The following KLHL29 variants were observed in gnomAD, a reference collection of about 807,000 sequenced individuals.
KLHL29 encodes kelch-like protein 29.
KLHL29 carries 21 observed loss-of-function variants against 80.4 expected under a neutral mutation model. The observed-to-expected ratio is 0.26, with a 90% confidence interval of 0.19 to 0.38. KLHL29 has a LOEUF of 0.38. Ranked by LOEUF, KLHL29 falls within the 10% of genes least tolerant of loss-of-function variation. The pLI is 1.00. For synonymous variants in KLHL29, 511 were observed against 526.8 expected, an observed-to-expected ratio of 0.97 and a Z score of 0.41; for missense variants, 867 against 1,223.9, an observed-to-expected ratio of 0.71 and a Z score of 4.35.
rs190017591 is a variant in KLHL29 at position 23,691,884 on chromosome 2, C to A, written c.1282+8C>A. 6.5e-7 allele frequency: 1 copy of A among 1,547,300 alleles called. No homozygotes were observed. Among genetic ancestry groups the A allele is most frequent in the African/African-American group, 1.4e-5 (1 of 73,050 alleles). On this transcript the variant is annotated splice_region_variant and intron_variant, in intron 7 of 13. Transcript: ENST00000486442. ...TCTGCGTGTCCTTTCTCGGTGAGCC[C>A]GGGGGCCACATATGTCGCTTGGGGG... is the stretch of plus-strand genomic sequence containing the variant.
At chr2:23,611,452 C>T (rs566495254) in intron 3 of KLHL29, among the ~76,000 whole-genome samples, 3 of 152,306 alleles carry the variant, frequency 2.0e-5, no homozygotes, top group Admixed American at 6.5e-5. Context: ...TGCCTCTCTG[C>T]TTCAAATCCT....
intron 1 of KLHL29, among the ~76,000 whole-genome samples, chr2:23,436,582 C>G (rs769454098): frequency 6.7e-6 from 1 of 149,860 alleles, no homozygotes; most frequent in Non-Finnish European, 1.5e-5. Flanking sequence ...CGGCTCTTGT[C>G]GTTAGCAGTA....
chr2:23,463,386 T>C (rs922795835), intron 1 of KLHL29, among the ~76,000 whole-genome samples: 12 of 152,214 alleles, frequency 7.9e-5, no homozygotes, highest in Admixed American at 1.3e-4. Flanking sequence ...TTCTTACTGA[T>C]ACAGAATCTA....
At chr2:23,652,730 G>A (rs866965816) in intron 5 of KLHL29, among the ~76,000 whole-genome samples, 4 of 152,142 alleles carry the variant, frequency 2.6e-5, no homozygotes, top group African/African-American at 4.8e-5. Context: ...TAAAACACAC[G>A]TTTATACACG....
At chr2:23,643,432 C>G (rs1029619221) in intron 5 of KLHL29, 1 of 174,068 alleles carries the variant, frequency 5.7e-6, no homozygotes, top group African/African-American at 2.4e-5. Context: ...CTTTGTGAGA[C>G]CTTGGGAAAG....
intron 3 of KLHL29, among the ~76,000 whole-genome samples, chr2:23,618,417 A>G (rs765293965): frequency 2.6e-5 from 4 of 152,264 alleles, no homozygotes; most frequent in East Asian, 1.9e-4. Flanking sequence ...GCCCTCCCCA[A>G]TGTGGGAAGG....
intron 2 of KLHL29, among the ~76,000 whole-genome samples, chr2:23,561,174 G>T (rs1667436180): frequency 6.6e-6 from 1 of 152,180 alleles, no homozygotes; most frequent in East Asian, 1.9e-4. Flanking sequence ...TCTCCCCTCT[G>T]TCTCTGCCTC....
At chr2:23,429,052 C>T (rs1663088015) in intron 1 of KLHL29, among the ~76,000 whole-genome samples, 1 of 152,190 alleles carries the variant, frequency 6.6e-6, no homozygotes, top group Non-Finnish European at 1.5e-5. Context: ...GTGTGCACAG[C>T]GAGGGAGTTT....
At chr2:23,638,202 A>G (rs907020179) in intron 3 of KLHL29, among the ~76,000 whole-genome samples, 4 of 151,986 alleles carry the variant, frequency 2.6e-5, no homozygotes, top group East Asian at 1.9e-4. Context: ...CCTCCTACAC[A>G]TATTGTTTGA....
At chr2:23,409,818 G>A (rs994687685) in intron 1 of KLHL29, among the ~76,000 whole-genome samples, 1 of 152,216 alleles carries the variant, frequency 6.6e-6, no homozygotes, top group Non-Finnish European at 1.5e-5. Flanking sequence ...CACTATGAAG[G>A]AAGATGGTCA....
At chr2:23,670,496 A>G (rs1283760579) in intron 5 of KLHL29, among the ~76,000 whole-genome samples, 2 of 151,940 alleles carry the variant, frequency 1.3e-5, no homozygotes, top group Non-Finnish European at 2.9e-5. Context: ...CTGACTCCCA[A>G]CTGTTGCATG....
At chr2:23,658,612 G>T (rs1354461828) in intron 5 of KLHL29, among the ~76,000 whole-genome samples, 4 of 152,206 alleles carry the variant, frequency 2.6e-5, no homozygotes, top group Admixed American at 6.5e-5. Context: ...CCATCTCGTT[G>T]TCTGTCATGG....
intron 2 of KLHL29, among the ~76,000 whole-genome samples, chr2:23,528,759 G>A (rs946294022): frequency 6.6e-6 from 1 of 152,196 alleles, no homozygotes; most frequent in African/African-American, 2.4e-5. Flanking sequence ...TTGGACACAC[G>A]TATTTACTTT....
At chr2:23,618,266 T>C (rs1054608532) in intron 3 of KLHL29, among the ~76,000 whole-genome samples, 2 of 152,158 alleles carry the variant, frequency 1.3e-5, no homozygotes, top group African/African-American at 2.4e-5. Context: ...TAGTAGATGG[T>C]GGGACAGTGA....
intron 1 of KLHL29, among the ~76,000 whole-genome samples, chr2:23,450,831 C>T (rs1362760761): frequency 6.6e-6 from 1 of 152,180 alleles, no homozygotes; most frequent in African/African-American, 2.4e-5. Flanking sequence ...GCAACCATCC[C>T]TATGGCTTAT....
chr2:23,422,745 C>T (rs1662857335), intron 1 of KLHL29, among the ~76,000 whole-genome samples: 1 of 147,850 alleles, frequency 6.8e-6, no homozygotes, highest in Non-Finnish European at 1.5e-5. Flanking sequence ...CCGTGTGTGT[C>T]TGTGTGTCTG....
In KLHL29 at chr2:23,431,992, C is replaced by T. The variant is rs549217524; in HGVS notation, c.-153-43568C>T. The stretch of plus-strand genomic sequence containing the variant: ...ACCAAAAAGAAATGAATGAAAATAC[C>T]TCATAATACCACCCGCCCCAGGGAT... On this transcript the variant is annotated intron_variant, in intron 1 of 13. Coordinates refer to ENST00000486442, the MANE Select transcript of KLHL29 (RefSeq NM_052920.2). Among the ~76,000 whole-genome samples the T allele has an allele frequency of 1.4e-3, 213 of 151,682 alleles. 2 individuals are homozygous for T. Among genetic ancestry groups the T allele is most frequent in the South Asian group, 8.4e-4 (4 of 4,790 alleles).
chr2:23,474,900 C>T (rs1415322189), intron 1 of KLHL29, among the ~76,000 whole-genome samples: 2 of 151,846 alleles, frequency 1.3e-5, no homozygotes, highest in African/African-American at 2.4e-5. Context: ...TGCCATTTCC[C>T]GTTGTGAAGA....
In KLHL29 at chr2:23,700,066, T is replaced by G. The variant is rs1370411922; in HGVS notation, c.2106-3120T>G. Among the ~76,000 whole-genome samples the G allele has an allele frequency of 6.6e-6, 1 of 152,206 alleles. No individual in the cohort carries two copies. Among genetic ancestry groups the G allele is most frequent in the Non-Finnish European group, 1.5e-5 (1 of 68,036 alleles). The stretch of plus-strand genomic sequence containing the variant: ...CTGTGCAAATGGACTCCACGTTCCC[T>G]CTGCACTTTGGATTCCATTTGCATC... On this transcript the variant is annotated intron_variant, in intron 11 of 13. Coordinates refer to ENST00000486442, the MANE Select transcript of KLHL29 (RefSeq NM_052920.2). This position sits in a 1 kb window ranked among gnomAD's most constrained non-coding sequence, Gnocchi z 4.6.
Sources: allele counts gnomAD v4.1 joint callset (sites outside exome capture counted in the v4.1 genomes callset), GRCh38; gene constraint gnomAD v4.1.1; non-coding constraint Gnocchi (gnomAD v3.1); transcripts MANE v1.5; gene names NCBI Gene and HGNC (gene_info 2026-07-23, HGNC 2026-07-21).